The following CD300LF variants were observed in gnomAD, a reference collection of about 807,000 sequenced individuals.
The protein encoded by CD300LF is CMRF35-like molecule 1.
In CD300LF, 27 loss-of-function variants were observed where a neutral mutation model predicts 32.2. The ratio of observed to expected loss-of-function variants is 0.84; its 90% CI spans 0.62 to 1.15. CD300LF has a LOEUF of 1.15. CD300LF is among the 50% of genes most tolerant of loss of function. The probability of loss-of-function intolerance (pLI) is 0.00; values close to 1 mark genes in which losing one functional copy is unlikely to be tolerated. For missense variants in CD300LF, 348 were observed against 356.8 expected (o/e 0.98, Z 0.20); for synonymous variants, 139 against 143.2 (o/e 0.97, Z 0.21).
chr17:74,695,161 T>C lies in CD300LF; in HGVS notation c.808A>G (p.Ser270Gly). Residue 270 changes from serine (S) to glycine (G), a missense_variant, in exon 7 of 7, where the codon AGT becomes GGT. By Grantham distance (56) the Ser-to-Gly change is moderately conservative (BLOSUM62 0). Coordinates refer to ENST00000326165, the MANE Select transcript of CD300LF (RefSeq NM_139018.5). ...GGGCCCCTGCCGGGGAGGTGGCTAC[T>C]GAGGTGGCCCATGTTGCAGTAGGTC... The part of the protein sequence containing the change: ...EPTYCNMGHL[S>G]SHLPGRGPEE... The C allele has an allele frequency of 6.2e-7, 1 of 1,614,130 alleles. No homozygotes were observed. Among genetic ancestry groups the C allele is most frequent in the Non-Finnish European group, 8.5e-7 (1 of 1,179,992 alleles).
chr17:74,695,329 G>A (rs2032333319), intron 6 of CD300LF, 78 bp from the exon 7 acceptor site: 2 of 1,539,916 alleles, frequency 1.3e-6, no homozygotes, highest in Admixed American at 3.6e-5. Flanking sequence ...CTCGGAGGAG[G>A]ATAGTGGGGA....
chr17:74,699,259 G>A (rs2032812704), intron 3 of CD300LF, among the ~76,000 whole-genome samples: 1 of 152,110 alleles, frequency 6.6e-6, no homozygotes, highest in Non-Finnish European at 1.5e-5. Context: ...GGTTCCATGA[G>A]GTGGTTTTAA....
Position 74,694,604 on chromosome 17 carries a change from T to G in CD300LF, c.*492A>C, listed in dbSNP as rs998493728. 2.0e-5 allele frequency: 3 copies of G among 152,366 alleles called. No individual in the cohort carries two copies. Among genetic ancestry groups the G allele is most frequent in the Admixed American group, 6.5e-5 (1 of 15,276 alleles). The allele number at this position is 152,366 out of a possible 1,614,324, so 9.4% of individuals were successfully genotyped here. On this transcript the variant is annotated 3_prime_UTR_variant, in exon 7 of 7. Coordinates refer to ENST00000326165, the MANE Select transcript of CD300LF (RefSeq NM_139018.5). ...TGGTGATATTTTGGGCCCACCTGAA[T>G]CAGCAAGAATAACCTCTCTATCTCA...
rs767531537 is a variant in CD300LF at position 74,704,596 on chromosome 17, G to A, written c.264C>T (p.Asn88=). The change falls in exon 2 of 7, where the codon AAC becomes AAT. Residue 88 remains asparagine, a synonymous_variant. Coordinates refer to ENST00000326165, the MANE Select transcript of CD300LF (RefSeq NM_139018.5). ...DRVSIKDNQK[N]RTFTVTMEDL... Reference sequence around the variant, plus strand: ...CCTCCATGGTCACAGTGAACGTGCGGTTTTTCTGATTGTCCTTGATGGACA... The same window carrying A: ...CCTCCATGGTCACAGTGAACGTGCGATTTTTCTGATTGTCCTTGATGGACA... The A allele has an allele frequency of 5.6e-6, 9 of 1,614,182 alleles. No homozygotes were observed. The East Asian group carries it at 1.1e-4, about 20-fold the overall frequency.
At chr17:74,699,965 A>G (rs1435937976) in intron 3 of CD300LF, among the ~76,000 whole-genome samples, 1 of 151,652 alleles carries the variant, frequency 6.6e-6, no homozygotes, top group Non-Finnish European at 1.5e-5. Flanking sequence ...ACATGGTGAA[A>G]CTCCGTCTCT....
intron 4 of CD300LF, among the ~76,000 whole-genome samples, chr17:74,697,350 C>A (rs1198376788): frequency 1.3e-5 from 2 of 152,152 alleles, no homozygotes; most frequent in Admixed American, 1.3e-4. Context: ...GCCCTAGGGA[C>A]AACAAAGAAA....
chr17:74,702,580 C>T (rs181188079), intron 3 of CD300LF, among the ~76,000 whole-genome samples: 1 of 152,276 alleles, frequency 6.6e-6, no homozygotes, highest in East Asian at 1.9e-4. Flanking sequence ...AACAGGACTT[C>T]CCCAAGCCCT....
intron 3 of CD300LF, among the ~76,000 whole-genome samples, chr17:74,699,209 G>T (rs111923887): frequency 2.0e-5 from 3 of 152,102 alleles, no homozygotes; most frequent in Admixed American, 6.5e-5. Context: ...GAGCCACAGC[G>T]CCCGGCCTTA....
intron 3 of CD300LF, among the ~76,000 whole-genome samples, chr17:74,700,978 C>G (rs528409947): frequency 2.0e-5 from 3 of 152,114 alleles, no homozygotes; most frequent in Non-Finnish European, 4.4e-5. Context: ...CACAGACACA[C>G]GCAGAGGGAC....
chr17:74,712,426 C>T (rs1339418239), intron 1 of CD300LF, among the ~76,000 whole-genome samples: 2 of 152,212 alleles, frequency 1.3e-5, no homozygotes, highest in Non-Finnish European at 2.9e-5. Context: ...TTTCAAAGTC[C>T]TCCAGCCTCA....
Position 74,704,617 on chromosome 17 carries a change from G to C in CD300LF, c.243C>G (p.Ser81=), listed in dbSNP as rs1480115213. The C allele has an allele frequency of 1.2e-6, 2 of 1,614,008 alleles. No individual in the cohort carries two copies. The highest frequency in any genetic ancestry group is 2.2e-5 in the South Asian group (2 of 91,086). ...TGCGGTTTTTCTGATTGTCCTTGAT[G>C]GACACCCGGTCCCTCTTCACCTCCT... The part of the protein sequence containing the change: ...SEQEVKRDRV[S]IKDNQKNRTF... Residue 81 remains serine, a synonymous_variant, in exon 2 of 7, where the codon TCC becomes TCG. Coordinates refer to ENST00000326165, the MANE Select transcript of CD300LF (RefSeq NM_139018.5).
At chr17:74,704,873 T>C in intron 1 of CD300LF, 57 bp from the exon 2 acceptor site, 1 of 1,401,276 alleles carries the variant, frequency 7.1e-7, no homozygotes, top group Non-Finnish European at 9.9e-7. Flanking sequence ...GGGCCACAGC[T>C]TTCTGTTTAG....
At chr17:74,705,302 T>C in intron 1 of CD300LF, 1 of 693,526 alleles carries the variant, frequency 1.4e-6, no homozygotes. Flanking sequence ...TGATTTCTAG[T>C]GGTTCTGGAA....
intron 4 of CD300LF, 25 bp downstream of exon 4, chr17:74,698,344 C>G (rs761033751): frequency 1.3e-6 from 2 of 1,540,478 alleles, no homozygotes; most frequent in Non-Finnish European, 9.0e-7. Flanking sequence ...CCAGTCTCAG[C>G]CCAGCCTCAC....
chr17:74,696,899 ATTTTG>A (rs1480599903), intron 4 of CD300LF, among the ~76,000 whole-genome samples: 1,436 of 136,138 alleles, frequency 0.011, 29 homozygotes, highest in African/African-American at 0.039. Flanking sequence ...GTAGGGACCG[ATTTTG>A]TTTGGTTTGG....
chr17:74,698,282 G>T (rs1261537050), intron 4 of CD300LF, 87 bp downstream of exon 4: 4 of 930,080 alleles, frequency 4.3e-6, no homozygotes, highest in Admixed American at 4.0e-5. Flanking sequence ...GATTGTGTGG[G>T]TAATCCCTTG....
At chr17:74,712,720 C>T (rs1300232487) in intron 1 of CD300LF, 104 bp downstream of exon 1, 3 of 1,176,646 alleles carry the variant, frequency 2.5e-6, no homozygotes, top group Non-Finnish European at 3.8e-6. Flanking sequence ...GCACAAGGCT[C>T]ATGCCATTAA....
At chr17:74,705,290 A>G (rs1403327057) in intron 1 of CD300LF, 4 of 697,406 alleles carry the variant, frequency 5.7e-6, no homozygotes, top group African/African-American at 5.2e-5. Flanking sequence ...TGGTGGTCCT[A>G]ATGATTTCTA....
At chr17:74,712,621 C>T (rs938962983) in intron 1 of CD300LF, among the ~76,000 whole-genome samples, 2 of 152,236 alleles carry the variant, frequency 1.3e-5, no homozygotes, top group African/African-American at 4.8e-5. Context: ...GGAATTCTGC[C>T]TTGCACTGGC....
Sources: allele counts gnomAD v4.1 joint callset (sites outside exome capture counted in the v4.1 genomes callset), GRCh38; gene constraint gnomAD v4.1.1; transcripts MANE v1.5; gene names NCBI Gene and HGNC (gene_info 2026-07-23, HGNC 2026-07-21).